The following SRBD1 variants were observed in gnomAD, a reference collection of about 807,000 sequenced individuals.
The protein encoded by SRBD1 is S1 RNA binding domain 1, also known as S1 RNA-binding domain-containing protein 1.
A neutral mutation model predicts 115.3 loss-of-function variants in SRBD1; 88 were observed. That is an observed-to-expected ratio of 0.76 (90% CI 0.64 to 0.91). SRBD1 has a LOEUF of 0.91. Among genes scored for constraint, SRBD1 ranks in the 40% least tolerant of loss-of-function variants. The probability of loss-of-function intolerance (pLI) is 0.00; values close to 1 mark genes in which losing one functional copy is unlikely to be tolerated. For missense variants in SRBD1, 1,385 were observed against 1,177.4 expected, an observed-to-expected ratio of 1.18 and a Z score of -2.58; for synonymous variants, 509 against 407.7, an observed-to-expected ratio of 1.25 and a Z score of -2.99.
chr2:45,456,963 T>C (rs745984298), intron 16 of SRBD1, among the ~76,000 whole-genome samples: 3 of 151,856 alleles, frequency 2.0e-5, no homozygotes, highest in Admixed American at 6.6e-5. Flanking sequence ...ATGGCTGACA[T>C]AGAAAATGTA....
intron 9 of SRBD1, among the ~76,000 whole-genome samples, chr2:45,570,291 G>A (rs1475811482): frequency 1.3e-5 from 2 of 152,186 alleles, no homozygotes; most frequent in Non-Finnish European, 2.9e-5. Flanking sequence ...TAATTGTAGG[G>A]CTGAGATTAA....
chr2:45,399,114 G>A (rs1667225742), intron 19 of SRBD1, among the ~76,000 whole-genome samples: 1 of 151,878 alleles, frequency 6.6e-6, no homozygotes, highest in Non-Finnish European at 1.5e-5. Flanking sequence ...TATGCAGCCT[G>A]ATCACCCTTT....
At chr2:45,595,075 TATGAA>T (rs1407794052) in intron 4 of SRBD1, among the ~76,000 whole-genome samples, 2 of 152,248 alleles carry the variant, frequency 1.3e-5, no homozygotes, top group African/African-American at 4.8e-5. Context: ...TATCCTATTT[TATGAA>T]ATGAAGTGTT....
At chr2:45,569,909 A>G (rs1297362430) in intron 9 of SRBD1, among the ~76,000 whole-genome samples, 2 of 152,248 alleles carry the variant, frequency 1.3e-5, no homozygotes, top group Non-Finnish European at 2.9e-5. Flanking sequence ...AAGGCCATAG[A>G]AAACAATTTT....
chr2:45,513,998 C>T (rs1463948241), intron 14 of SRBD1, among the ~76,000 whole-genome samples: 1 of 152,120 alleles, frequency 6.6e-6, no homozygotes, highest in Admixed American at 6.5e-5. Flanking sequence ...CAAACTCTTT[C>T]ATCATATTAG....
intron 16 of SRBD1, chr2:45,447,471 A>G (rs1329536091): frequency 6.6e-6 from 1 of 152,046 alleles, no homozygotes; most frequent in South Asian, 2.1e-4. Context: ...AAGAAAAGGC[A>G]TGTCACATTT....
intron 4 of SRBD1, among the ~76,000 whole-genome samples, chr2:45,591,237 G>T (rs1390114895): frequency 6.6e-6 from 1 of 152,144 alleles, no homozygotes; most frequent in Non-Finnish European, 1.5e-5. Flanking sequence ...GCAACATGCA[G>T]ATTGATAACC....
At chr2:45,529,384 A>G (rs1451354743) in intron 14 of SRBD1, among the ~76,000 whole-genome samples, 5 of 151,966 alleles carry the variant, frequency 3.3e-5, no homozygotes, top group Non-Finnish European at 5.9e-5. Flanking sequence ...AAGATATTTC[A>G]AAGGCCCAAT....
intron 16 of SRBD1, among the ~76,000 whole-genome samples, chr2:45,424,235 T>C (rs1421951832): frequency 6.6e-6 from 1 of 152,170 alleles, no homozygotes; most frequent in Admixed American, 6.5e-5. Flanking sequence ...TACTTTGTGC[T>C]AGGCAGCTTC....
chr2:45,503,514 T>C (rs1670701791), intron 14 of SRBD1, among the ~76,000 whole-genome samples: 1 of 152,214 alleles, frequency 6.6e-6, no homozygotes, highest in Non-Finnish European at 1.5e-5. Flanking sequence ...ATTTGATTTA[T>C]CTTGGCATTT....
intron 10 of SRBD1, among the ~76,000 whole-genome samples, chr2:45,557,879 T>C (rs1214707284): frequency 2.6e-5 from 4 of 152,146 alleles, no homozygotes; most frequent in African/African-American, 4.8e-5. Flanking sequence ...TTAAACCAAA[T>C]ATACATTGCA....
chr2:45,398,733 T>G (rs981431188), intron 19 of SRBD1, among the ~76,000 whole-genome samples: 2 of 148,946 alleles, frequency 1.3e-5, no homozygotes, highest in Non-Finnish European at 3.0e-5. Context: ...CAGAAATAGT[T>G]GAACAGTGCT....
chr2:45,450,530 G>C (rs902382314), intron 16 of SRBD1, among the ~76,000 whole-genome samples: 1 of 152,036 alleles, frequency 6.6e-6, no homozygotes, highest in Non-Finnish European at 1.5e-5. Context: ...TGTAACATTA[G>C]TTATCAATTA....
chr2:45,605,588 C>T (rs754262671), intron 1 of SRBD1, 147 bp from the exon 2 acceptor site: 19 of 747,724 alleles, frequency 2.5e-5, no homozygotes, highest in Non-Finnish European at 4.0e-5. Context: ...CATCAGTTTC[C>T]TCTGCTATGT....
intron 17 of SRBD1, 87 bp downstream of exon 17, chr2:45,419,701 C>T: frequency 3.5e-6 from 4 of 1,135,582 alleles, no homozygotes; most frequent in East Asian, 2.4e-5. Context: ...CAACTTTATA[C>T]ACGTGTTCCC....
At chr2:45,523,604 T>C (rs541099950) in intron 14 of SRBD1, among the ~76,000 whole-genome samples, 2 of 151,692 alleles carry the variant, frequency 1.3e-5, no homozygotes, top group Admixed American at 1.3e-4. Context: ...AACTGACAAA[T>C]TACTGGAAAG....
At position 45,574,742 on chromosome 2, in the gene SRBD1, A is replaced by G. The variant is rs199761166; in HGVS notation, c.1073-19T>C. 22 of 1,584,380 alleles carry G rather than the reference A, an allele frequency of 1.4e-5. No homozygotes were observed. The Admixed American group carries it at 4.2e-4, about 31-fold the overall frequency. On this transcript the variant is annotated intron_variant, in intron 7 of 20. Transcript: ENST00000263736. ...GAAAGCCCTTTAGGAGAAGGGTAAA[A>G]AGGAAAACAAAAACAAAAAGTATAC... is the stretch of plus-strand genomic sequence containing the variant.
At position 45,599,617 on chromosome 2, in the gene SRBD1, C is replaced by T. The variant is rs1386200243; in HGVS notation, c.480G>A (p.Val160=). 1 of 1,614,218 alleles carries T rather than the reference C, an allele frequency of 6.2e-7. No homozygotes were observed. Among genetic ancestry groups the T allele is most frequent in the Non-Finnish European group, 8.5e-7 (1 of 1,180,034 alleles). Residue 160 remains valine, a synonymous_variant, in exon 4 of 21, where the codon GTG becomes GTA. Transcript: ENST00000263736. The part of the protein sequence containing the change: ...NSSETPSTST[V]WGGTCKKEEN... ...CTTCCTTCTTGCATGTACCTCCCCA[C>T]ACAGTGCTTGTGGATGGTGTCTCTG...
intron 16 of SRBD1, among the ~76,000 whole-genome samples, chr2:45,468,716 A>T (rs1669564645): frequency 6.6e-6 from 1 of 152,110 alleles, no homozygotes; most frequent in Non-Finnish European, 1.5e-5. Flanking sequence ...ATGTCTTCTT[A>T]GGTTCATTTT....
Sources: gnomAD v4.1 joint callset for allele counts (sites outside exome capture counted in the v4.1 genomes callset) on GRCh38, gnomAD v4.1.1 for gene constraint, MANE v1.5 for transcripts, NCBI Gene and HGNC (gene_info 2026-07-23, HGNC 2026-07-21) for gene names.